The following AGBL4 variants were observed in gnomAD, a reference collection of about 807,000 sequenced individuals.
The protein encoded by AGBL4 is AGBL carboxypeptidase 4, also known as cytosolic carboxypeptidase 6.
AGBL4 carries 58 observed loss-of-function variants against 66.4 expected under a neutral mutation model. That is an observed-to-expected ratio of 0.87 (90% CI 0.71 to 1.09). AGBL4 has a LOEUF of 1.09. Among genes scored for constraint, AGBL4 ranks in the 50% least tolerant of loss-of-function variants. The pLI, the probability that AGBL4 is intolerant of heterozygous loss-of-function variation, is 0.00. For missense variants in AGBL4, 579 were observed against 631.0 expected (o/e 0.92, Z 0.88); for synonymous variants, 234 against 222.9 (o/e 1.05, Z -0.44).
At chr1:49,509,672 G>T (rs1299062755) in intron 3 of AGBL4, among the ~76,000 whole-genome samples, 1 of 151,900 alleles carries the variant, frequency 6.6e-6, no homozygotes, top group African/African-American at 2.4e-5. Flanking sequence ...ATTACATAAT[G>T]TTTAAGAGCT....
chr1:49,504,348 T>C (rs1342242305), intron 3 of AGBL4, among the ~76,000 whole-genome samples: 1 of 152,158 alleles, frequency 6.6e-6, no homozygotes. Flanking sequence ...TCCACAGCAG[T>C]GTGAGAATGG....
chr1:49,693,249 C>T lies in AGBL4; in HGVS notation c.282+4064G>A, dbSNP rs548882709. The stretch of plus-strand genomic sequence containing the variant: ...AAGAGTCTTTAAAATGTTCATATCC[C>T]TTTGCCTATCATTTCCTCTCATAGG... On this transcript the variant is annotated intron_variant, in intron 3 of 13. Transcript: ENST00000371839. 6.6e-5 allele frequency among the ~76,000 whole-genome samples: 10 copies of T among 152,206 alleles called. No homozygotes were observed. The South Asian group carries it at 8.3e-4, about 13-fold the overall frequency.
chr1:48,719,137 A>C (rs1647101321), intron 6 of AGBL4, among the ~76,000 whole-genome samples: 2 of 152,194 alleles, frequency 1.3e-5, no homozygotes. Flanking sequence ...AAGACCTGAC[A>C]GAGACATGTA....
intron 4 of AGBL4, among the ~76,000 whole-genome samples, chr1:49,177,264 C>T (rs1006657137): frequency 6.6e-6 from 1 of 152,130 alleles, no homozygotes; most frequent in African/African-American, 2.4e-5. Context: ...TCCTACTGTA[C>T]TGTAGAAACA....
At chr1:48,697,941 C>A (rs1646739012) in intron 6 of AGBL4, among the ~76,000 whole-genome samples, 1 of 152,256 alleles carries the variant, frequency 6.6e-6, no homozygotes, top group Non-Finnish European at 1.5e-5. Context: ...CCCAGCCTGA[C>A]TCTGGTCACA....
intron 3 of AGBL4, among the ~76,000 whole-genome samples, chr1:49,298,059 C>T (rs1644675554): frequency 6.6e-6 from 1 of 152,160 alleles, no homozygotes; most frequent in Non-Finnish European, 1.5e-5. Flanking sequence ...GCCAGCCTCT[C>T]CAAGCAGTAA....
chr1:49,474,675 A>C (rs1646812035), intron 3 of AGBL4, among the ~76,000 whole-genome samples: 1 of 152,048 alleles, frequency 6.6e-6, no homozygotes, highest in African/African-American at 2.4e-5. Flanking sequence ...CTATTTAAAA[A>C]AATAGCTCTA....
At chr1:48,728,476 G>T (rs1570373251) in intron 6 of AGBL4, among the ~76,000 whole-genome samples, 1 of 126,922 alleles carries the variant, frequency 7.9e-6, no homozygotes, top group South Asian at 2.8e-4. Flanking sequence ...CTATCATTCT[G>T]ACTTGCTTTT....
intron 3 of AGBL4, among the ~76,000 whole-genome samples, chr1:49,639,800 C>G (rs1645746199): frequency 6.6e-6 from 1 of 151,810 alleles, no homozygotes; most frequent in Non-Finnish European, 1.5e-5. Context: ...GCAATTTTGC[C>G]GGATGAAATC....
chr1:49,860,628 G>T (rs1646546802), intron 1 of AGBL4, among the ~76,000 whole-genome samples: 1 of 152,140 alleles, frequency 6.6e-6, no homozygotes, highest in African/African-American at 2.4e-5. Context: ...CAGCCCAGGA[G>T]CTCGAGACTG....
At chr1:49,148,008 G>T (rs1191121601) in intron 4 of AGBL4, among the ~76,000 whole-genome samples, 1 of 152,140 alleles carries the variant, frequency 6.6e-6, no homozygotes, top group African/African-American at 2.4e-5. Context: ...ACAATGCAAA[G>T]AACTTGGGTA....
intron 5 of AGBL4, among the ~76,000 whole-genome samples, chr1:49,007,465 C>T (rs1207784985): frequency 6.7e-6 from 1 of 149,180 alleles, no homozygotes; most frequent in Non-Finnish European, 1.5e-5. Context: ...AGGATATTAT[C>T]CAGGAGAACT....
intron 3 of AGBL4, among the ~76,000 whole-genome samples, chr1:49,439,540 T>C (rs1314064136): frequency 1.3e-5 from 2 of 152,140 alleles, no homozygotes; most frequent in Non-Finnish European, 2.9e-5. Context: ...CTTGATTAGA[T>C]TGAAGGATGC....
chr1:49,784,488 C>A (rs1269792576), intron 2 of AGBL4, among the ~76,000 whole-genome samples: 1 of 151,990 alleles, frequency 6.6e-6, no homozygotes, highest in Non-Finnish European at 1.5e-5. Context: ...ACCCCTTTCT[C>A]AAACCACACA....
intron 6 of AGBL4, among the ~76,000 whole-genome samples, chr1:48,826,039 G>C (rs1403245369): frequency 2.0e-5 from 3 of 152,096 alleles, no homozygotes; most frequent in Non-Finnish European, 1.5e-5. Flanking sequence ...CAAAGTGACA[G>C]GGACTTTCTC....
intron 3 of AGBL4, among the ~76,000 whole-genome samples, chr1:49,511,685 T>C (rs2148784484): frequency 6.6e-6 from 1 of 151,758 alleles, no homozygotes; most frequent in Non-Finnish European, 1.5e-5. Context: ...ATCTGCCTTC[T>C]TCTTGGGAGA....
At chr1:49,443,796 A>ATT (rs1315787345) in intron 3 of AGBL4, among the ~76,000 whole-genome samples, 1 of 150,182 alleles carries the variant, frequency 6.7e-6, no homozygotes, top group Admixed American at 6.6e-5. Context: ...ATATATATAT[A>ATT]TTTTTAATTT....
intron 6 of AGBL4, among the ~76,000 whole-genome samples, chr1:48,707,754 G>T (rs959814368): frequency 1.3e-5 from 2 of 152,188 alleles, no homozygotes; most frequent in Admixed American, 1.3e-4. Context: ...GTCCACACCA[G>T]ACTCTGGCAG....
At chr1:48,710,049 T>A (rs553583435) in intron 6 of AGBL4, among the ~76,000 whole-genome samples, 1 of 152,164 alleles carries the variant, frequency 6.6e-6, no homozygotes, top group Non-Finnish European at 1.5e-5. Flanking sequence ...CAAGGTCAAA[T>A]AGCTCCTAGG....
Sources: allele counts gnomAD v4.1 joint callset (sites outside exome capture counted in the v4.1 genomes callset), GRCh38; gene constraint gnomAD v4.1.1; transcripts MANE v1.5; gene names NCBI Gene and HGNC (gene_info 2026-07-23, HGNC 2026-07-21).